The following LOC400499 variants were observed in gnomAD, a reference collection of about 807,000 sequenced individuals.
At chr16:11,513,452 G>T in the LOC400499 span, among the ~76,000 whole-genome samples, 1 of 150,148 alleles carries the variant, frequency 6.7e-6, no homozygotes, top group African/African-American at 2.5e-5. Flanking sequence ...TATTTATTGA[G>T]ATGGAGTCTT....
At chr16:11,416,758 C>A in the LOC400499 span, among the ~76,000 whole-genome samples, 1 of 152,046 alleles carries the variant, frequency 6.6e-6, no homozygotes, top group Non-Finnish European at 1.5e-5. Flanking sequence ...GCCAGGCAGG[C>A]GTGTGGGAGA....
chr16:11,477,712 A>G, the LOC400499 span: 3 of 396,434 alleles, frequency 7.6e-6, no homozygotes, highest in Admixed American at 1.3e-4. Flanking sequence ...GGTGTTCTGC[A>G]GAATAGGGAT....
At chr16:11,449,224 C>G in the LOC400499 span, 3 of 919,494 alleles carry the variant, frequency 3.3e-6, no homozygotes, top group South Asian at 3.4e-5. Context: ...AAAACCCCTT[C>G]AATGCCATTT....
chr16:11,373,600 C>T, the LOC400499 span, among the ~76,000 whole-genome samples: 1 of 152,066 alleles, frequency 6.6e-6, no homozygotes, highest in Non-Finnish European at 1.5e-5. Flanking sequence ...GCTGGGGTTA[C>T]AGGAGCAAGC....
At chr16:11,515,341 C>A in the LOC400499 span, among the ~76,000 whole-genome samples, 1 of 151,832 alleles carries the variant, frequency 6.6e-6, no homozygotes, top group Non-Finnish European at 1.5e-5. Context: ...GTAGTCCCAG[C>A]TACTCTCAAG....
At chr16:11,398,605 GC>G in the LOC400499 span, 1 of 949,738 alleles carries the variant, frequency 1.1e-6, no homozygotes, top group Non-Finnish European at 1.4e-6. Flanking sequence ...AAGAGCATGT[GC>G]CAGGAATGTG....
chr16:11,449,060 G>A, the LOC400499 span: 43 of 1,484,178 alleles, frequency 2.9e-5, no homozygotes, highest in South Asian at 3.8e-5. Flanking sequence ...ACTCGAGTTC[G>A]CTCCAGCTGT....
chr16:11,378,064 T>A, the LOC400499 span, among the ~76,000 whole-genome samples: 6 of 152,156 alleles, frequency 3.9e-5, no homozygotes, highest in Non-Finnish European at 8.8e-5. Flanking sequence ...AGGCTGTTCT[T>A]TTTCTAATAA....
At chr16:11,375,612 C>T in the LOC400499 span, among the ~76,000 whole-genome samples, 1 of 151,994 alleles carries the variant, frequency 6.6e-6, no homozygotes, top group Non-Finnish European at 1.5e-5. Flanking sequence ...TGTGCCTGGC[C>T]TCTCCATGTG....
At chr16:11,385,522 G>T in the LOC400499 span, 1 of 769,228 alleles carries the variant, frequency 1.3e-6, no homozygotes, top group Non-Finnish European at 1.8e-6. Context: ...CTTTGGCTTA[G>T]CCTGCCCTGA....
the LOC400499 span, chr16:11,443,345 A>G: frequency 2.6e-6 from 1 of 388,186 alleles, no homozygotes; most frequent in Admixed American, 3.4e-5. Flanking sequence ...AAAAAAAAAA[A>G]AAAAAAAAAA....
chr16:11,424,202 G>A, the LOC400499 span: 1 of 399,384 alleles, frequency 2.5e-6, no homozygotes, highest in Non-Finnish European at 4.4e-6. Context: ...CATGGAGCTG[G>A]AGGCCCGAGG....
chr16:11,506,848 G>T, the LOC400499 span, among the ~76,000 whole-genome samples: 1 of 152,144 alleles, frequency 6.6e-6, no homozygotes, highest in Non-Finnish European at 1.5e-5. Context: ...TATCCCCCTG[G>T]CAACCCAGGC....
At chr16:11,414,551 C>T in the LOC400499 span, 1 of 399,482 alleles carries the variant, frequency 2.5e-6, no homozygotes, top group Non-Finnish European at 4.4e-6. Flanking sequence ...ACAGCTTCAC[C>T]TCCCTTCCCA....
chr16:11,373,059 A>G, the LOC400499 span, among the ~76,000 whole-genome samples: 49 of 152,334 alleles, frequency 3.2e-4, 1 homozygote, highest in Middle Eastern at 3.4e-3. Context: ...AGAGAAGACC[A>G]AGACATAGTT....
At chr16:11,374,513 A>G in the LOC400499 span, among the ~76,000 whole-genome samples, 3 of 152,218 alleles carry the variant, frequency 2.0e-5, no homozygotes, top group Non-Finnish European at 4.4e-5. Context: ...CCCGGCAGCC[A>G]CCACTGTACT....
the LOC400499 span, among the ~76,000 whole-genome samples, chr16:11,437,942 C>A: frequency 4.6e-5 from 7 of 152,180 alleles, no homozygotes; most frequent in African/African-American, 1.7e-4. Flanking sequence ...CAACCCACCC[C>A]CACTCCCCGA....
At chr16:11,506,558 G>A in the LOC400499 span, among the ~76,000 whole-genome samples, 1 of 152,152 alleles carries the variant, frequency 6.6e-6, no homozygotes, top group African/African-American at 2.4e-5. Flanking sequence ...CTGGCAGCCT[G>A]GAGAAGTTGG....
chr16:11,444,842 A>C, the LOC400499 span, among the ~76,000 whole-genome samples: 1 of 152,110 alleles, frequency 6.6e-6, no homozygotes, highest in African/African-American at 2.4e-5. Context: ...AGCATTCTGG[A>C]GGCCAAGATG....
Sources: gnomAD v4.1 joint callset for allele counts (sites outside exome capture counted in the v4.1 genomes callset) on GRCh38, gnomAD v4.1.1 for gene constraint, MANE v1.5 for transcripts.